The following ABHD12 variants were observed in gnomAD, a reference collection of about 807,000 sequenced individuals.
The protein encoded by ABHD12 is abhydrolase domain containing 12, lysophospholipase.
Under a neutral mutation model 58.3 loss-of-function variants are expected in ABHD12, and 43 were observed. That is an observed-to-expected ratio of 0.74 (90% CI 0.58 to 0.95). The LOEUF (loss-of-function observed/expected upper bound fraction) is 0.95. Among genes scored for constraint, ABHD12 ranks in the 40% least tolerant of loss-of-function variants. ABHD12 has a pLI of 0.00. For missense variants in ABHD12, 539 were observed against 537.2 expected (o/e 1.00, Z -0.03); for synonymous variants, 219 against 211.2 (o/e 1.04, Z -0.32).
Position 25,314,973 on chromosome 20 carries a change from G to T in ABHD12, c.574-3C>A, listed in dbSNP as rs1364510514. ...TGGTAACCAAGGGAACTCAGCACCT[G>T]TAAAGTGAAAAATAAACATCTTTGG... On this transcript the variant is annotated splice_polypyrimidine_tract_variant and splice_region_variant and intron_variant, in intron 5 of 12. Transcript: ENST00000339157. 7 of 1,614,084 alleles carry T rather than the reference G, an allele frequency of 4.3e-6. No individual in the cohort carries two copies. Among genetic ancestry groups the T allele is most frequent in the Non-Finnish European group, 5.9e-6 (7 of 1,180,026 alleles).
downstream of ABHD12, chr20:25,296,715 A>G (rs2088552777): frequency 4.0e-6 from 3 of 745,734 alleles, no homozygotes; most frequent in Admixed American, 9.3e-5. Flanking sequence ...AAGTGCTCCT[A>G]GTTTCTTGTA....
rs2088620003 is a variant in ABHD12, at chr20:25,300,738, T to G, written c.*107A>C. 6.3e-7 allele frequency: 1 copy of G among 1,593,656 alleles called. No individual in the cohort carries two copies. The highest frequency in any genetic ancestry group is 8.5e-7 in the Non-Finnish European group (1 of 1,172,034). ...GCTCTCCAGGTGCGAGCTGGGCTCC[T>G]GAGCATTGCAGGTGCCGGCCCCCCG... is the stretch of plus-strand genomic sequence containing the variant. On this transcript the variant is annotated 3_prime_UTR_variant, in exon 13 of 13. Coordinates refer to ENST00000339157, the MANE Select transcript of ABHD12 (RefSeq NM_001042472.3).
chr20:25,370,308 T>C (rs6115159), intron 1 of ABHD12, among the ~76,000 whole-genome samples: 82,102 of 151,542 alleles, frequency 0.54, 22,800 homozygotes, highest in Admixed American at 0.61. Flanking sequence ...GCACTGGAGG[T>C]TGAAGGTGCC....
chr20:25,339,734 C>A, intron 1 of ABHD12: 3 of 1,346,670 alleles, frequency 2.2e-6, no homozygotes, highest in African/African-American at 3.0e-5. Flanking sequence ...GCCTCCCGAT[C>A]CGTCTTCTGT....
Position 25,306,948 on chromosome 20 carries a change from G to A in ABHD12, c.868-33C>T, listed in dbSNP as rs751164589. ...CAAGATGGAAACCATTTTCAGAAGC[G>A]TTGGTTAAGATATCCAGGCACAGGT... is the stretch of plus-strand genomic sequence containing the variant. On this transcript the variant is annotated intron_variant, in intron 9 of 12. Transcript: ENST00000339157. 95 of 1,507,088 alleles carry A rather than the reference G, an allele frequency of 6.3e-5. 1 individual carries two copies. The highest frequency in any genetic ancestry group is 4.6e-4 in the South Asian group (41 of 88,698). The allele number at this position is 1,507,088 out of a possible 1,614,324, so 93.4% of individuals were successfully genotyped here.
intron 1 of ABHD12, among the ~76,000 whole-genome samples, chr20:25,380,887 C>T (rs1012013704): frequency 6.6e-6 from 1 of 152,202 alleles, no homozygotes; most frequent in Non-Finnish European, 1.5e-5. Flanking sequence ...TGTCCAAAAC[C>T]AAACATTACT....
intron 1 of ABHD12, among the ~76,000 whole-genome samples, chr20:25,343,279 T>G (rs2089478368): frequency 6.6e-6 from 1 of 152,120 alleles, no homozygotes; most frequent in South Asian, 2.1e-4. Context: ...TACCAAACAT[T>G]TAAGGAAGAA....
intron 1 of ABHD12, among the ~76,000 whole-genome samples, chr20:25,347,161 T>C (rs994596154): frequency 6.6e-6 from 1 of 152,176 alleles, no homozygotes; most frequent in Non-Finnish European, 1.5e-5. Flanking sequence ...TTTTGAAACC[T>C]TCACAGCTTA....
intron 2 of ABHD12, among the ~76,000 whole-genome samples, chr20:25,331,503 T>A (rs2089275475): frequency 6.6e-6 from 1 of 151,780 alleles, no homozygotes; most frequent in African/African-American, 2.4e-5. Flanking sequence ...CACATAATTG[T>A]CAGATTCACG....
intron 1 of ABHD12, 62 bp from the exon 2 acceptor site, chr20:25,339,413 T>C: frequency 6.2e-7 from 1 of 1,611,432 alleles, no homozygotes; most frequent in Non-Finnish European, 8.5e-7. Flanking sequence ...TGTAGTTTGT[T>C]AATAGTGTTA....
chr20:25,324,945 C>T (rs1037715663), intron 2 of ABHD12, among the ~76,000 whole-genome samples: 1 of 152,132 alleles, frequency 6.6e-6, no homozygotes, highest in African/African-American at 2.4e-5. Flanking sequence ...AAGCCACCAC[C>T]ATCACCATCT....
In ABHD12 at chr20:25,300,485, A is replaced by G; in HGVS notation, c.*360T>C. 2 of 1,260,502 alleles carry G rather than the reference A, an allele frequency of 1.6e-6. No homozygotes were observed. The highest frequency in any genetic ancestry group is 3.0e-5 in the African/African-American group (2 of 65,742). The allele number at this position is 1,260,502 out of a possible 1,614,324, so 78.1% of individuals were successfully genotyped here. The stretch of plus-strand genomic sequence containing the variant: ...TGTGGGTGGTGCCAAAAAGCTCAGC[A>G]TGGTCCCGAGCCCCAAGAGTCCCCT... On this transcript the variant is annotated 3_prime_UTR_variant, in exon 13 of 13. Coordinates refer to ENST00000339157, the MANE Select transcript of ABHD12 (RefSeq NM_001042472.3).
At chr20:25,371,148 G>A (rs1292903945) in intron 1 of ABHD12, among the ~76,000 whole-genome samples, 1 of 152,160 alleles carries the variant, frequency 6.6e-6, no homozygotes, top group African/African-American at 2.4e-5. Context: ...CTACTTTAAA[G>A]GAGAGACCAC....
intron 6 of ABHD12, among the ~76,000 whole-genome samples, chr20:25,313,043 G>A (rs1265988758): frequency 1.3e-5 from 2 of 152,244 alleles, no homozygotes; most frequent in Non-Finnish European, 2.9e-5. Context: ...TCTGGGAAGT[G>A]AGGAGCCCCT....
At chr20:25,313,096 C>A (rs1262074894) in intron 6 of ABHD12, among the ~76,000 whole-genome samples, 3 of 152,284 alleles carry the variant, frequency 2.0e-5, no homozygotes, top group Non-Finnish European at 4.4e-5. Flanking sequence ...CCCAACAGCT[C>A]ATTGAGAACG....
At chr20:25,305,455 C>T (rs533212171) in intron 10 of ABHD12, among the ~76,000 whole-genome samples, 8 of 151,514 alleles carry the variant, frequency 5.3e-5, no homozygotes, top group South Asian at 2.1e-4. Flanking sequence ...CTCTGCCTCC[C>T]GGGTTCAAGC....
In ABHD12 at chr20:25,332,061, A is replaced by T. The variant is rs1192449102; in HGVS notation, c.316+7166T>A. Among the ~76,000 whole-genome samples, 10 of 152,304 alleles carry T rather than the reference A, an allele frequency of 6.6e-5. No individual in the cohort carries two copies. The South Asian group carries it at 1.5e-3, about 22-fold the overall frequency. On this transcript the variant is annotated intron_variant, in intron 2 of 12. Transcript: ENST00000339157. ...TCAGTGTGCTGTATTCAGGAAACCC[A>T]TCTCACGTGCAGAGACACACATAGG... is the stretch of plus-strand genomic sequence containing the variant.
exon 13 of ABHD12, chr20:25,294,872 C>A (rs1435271746): frequency 9.9e-5 from 135 of 1,359,284 alleles, no homozygotes; most frequent in Non-Finnish European, 1.3e-4. Context: ...TTGAATCCGG[C>A]GAGGGCTGGG....
intron 12 of ABHD12, 60 bp downstream of exon 12, chr20:25,302,159 C>T (rs1378378066): frequency 6.8e-6 from 11 of 1,610,332 alleles, no homozygotes; most frequent in Admixed American, 3.3e-5. Flanking sequence ...ACCTGCTGCA[C>T]GTTAGGTGTG....
Sources: gnomAD v4.1 joint callset for allele counts (sites outside exome capture counted in the v4.1 genomes callset) on GRCh38, gnomAD v4.1.1 for gene constraint, MANE v1.5 for transcripts, NCBI Gene and HGNC (gene_info 2026-07-23, HGNC 2026-07-21) for gene names.